TAFA5: variants seen among roughly 807,000 people sequenced by gnomAD.
TAFA5 encodes the protein chemokine-like protein TAFA-5.
A neutral mutation model predicts 15.3 loss-of-function variants in TAFA5; 6 were observed. The ratio of observed to expected loss-of-function variants is 0.39; its 90% confidence interval spans 0.21 to 0.77. The LOEUF (loss-of-function observed/expected upper bound fraction) is 0.77. TAFA5 is among the 30% of genes least tolerant of loss of function. The probability of loss-of-function intolerance (pLI) is 0.41; values close to 1 mark genes in which losing one functional copy is unlikely to be tolerated. For missense variants in TAFA5, 161 were observed against 193.1 expected (o/e 0.83, Z 0.98); for synonymous variants, 103 against 80.7 (o/e 1.28, Z -1.48).
At chr22:48,502,345 G>A (rs549252642) in intron 1 of TAFA5, among the ~76,000 whole-genome samples, 1 of 152,192 alleles carries the variant, frequency 6.6e-6, no homozygotes, top group East Asian at 1.9e-4. Flanking sequence ...TTTATTACCT[G>A]TTGAGGCACA....
At position 48,552,807 on chromosome 22, in the gene TAFA5, C is replaced by A. The variant is rs545150876; in HGVS notation, c.112+63103C>A. 5.9e-5 allele frequency among the ~76,000 whole-genome samples: 9 copies of A among 152,250 alleles called. No individual in the cohort carries two copies. The highest frequency in any genetic ancestry group is 2.2e-4 in the African/African-American group (9 of 41,544). On this transcript the variant is annotated intron_variant, in intron 1 of 3. Transcript: ENST00000402357. The surrounding 1 kb of genome is among the most constrained non-coding windows in gnomAD (Gnocchi z 4.1). ...GGAAGAGGAGGGGCAGCTGGGATTG[C>A]ACCTATATGGGGCTTCCAGGGCTCA...
intron 1 of TAFA5, among the ~76,000 whole-genome samples, chr22:48,516,725 A>G (rs2147104668): frequency 6.6e-6 from 1 of 152,138 alleles, no homozygotes; most frequent in East Asian, 1.9e-4. Context: ...TAGATGGAGG[A>G]GAAGCCACCG....
intron 1 of TAFA5, among the ~76,000 whole-genome samples, chr22:48,567,449 T>C (rs914905520): frequency 2.0e-5 from 3 of 152,184 alleles, no homozygotes; most frequent in Admixed American, 6.5e-5. Flanking sequence ...TGTGAGTTAA[T>C]GTGTGCAGAG....
intron 1 of TAFA5, among the ~76,000 whole-genome samples, chr22:48,641,800 A>G (rs1926690245): frequency 6.6e-6 from 1 of 152,116 alleles, no homozygotes; most frequent in Non-Finnish European, 1.5e-5. Flanking sequence ...CCACTCCCCA[A>G]GCACTCGGCC....
At chr22:48,718,203 C>A (rs979106033) in intron 3 of TAFA5, among the ~76,000 whole-genome samples, 1 of 152,182 alleles carries the variant, frequency 6.6e-6, no homozygotes, top group African/African-American at 2.4e-5. Context: ...CGTCCTCACC[C>A]GGCCTCTCCC....
In TAFA5 at chr22:48,698,508, T is replaced by C. The variant is rs73437808; in HGVS notation, c.263-9209T>C. On this transcript the variant is annotated intron_variant, in intron 2 of 3. Coordinates refer to ENST00000402357, the MANE Select transcript of TAFA5 (RefSeq NM_001082967.3). ...ATAGGGAGAGCTGACTGAGCTGAGC[T>C]GGGAGAGAGGAAGCTGAAGCACAGG... is the stretch of plus-strand genomic sequence containing the variant. Among the ~76,000 whole-genome samples, 685 of 151,462 alleles carry C rather than the reference T, an allele frequency of 4.5e-3. 1 individual carries two copies. Among genetic ancestry groups the C allele is most frequent in the African/African-American group, 0.016 (647 of 41,202 alleles).
rs532632755 is a variant in TAFA5 at position 48,528,687 on chromosome 22, T to C, written c.112+38983T>C. ...CAACAAAGACATAGTGTGAGTATGA[T>C]TGCAGGTCAGCACTGTGGAAAGAGC... On this transcript the variant is annotated intron_variant, in intron 1 of 3. Coordinates refer to ENST00000402357, the MANE Select transcript of TAFA5 (RefSeq NM_001082967.3). Among the ~76,000 whole-genome samples, 190 of 152,318 alleles carry C rather than the reference T, an allele frequency of 1.2e-3. 1 individual carries two copies. The highest frequency in any genetic ancestry group is 2.2e-3 in the Non-Finnish European group (149 of 68,024).
chr22:48,635,122 C>A lies in TAFA5; in HGVS notation c.113-11475C>A, dbSNP rs550633613. 1.5e-4 allele frequency among the ~76,000 whole-genome samples: 23 copies of A among 152,260 alleles called. No homozygotes were observed. In the South Asian group the frequency reaches 4.6e-3, roughly 30 times the overall value. Reference sequence around the variant, plus strand: ...ACGGAGAACGCAGAGCACAGCCGGCCTTGTTCCCGTTGTGGCCTGTTGCAT... The same window carrying A: ...ACGGAGAACGCAGAGCACAGCCGGCATTGTTCCCGTTGTGGCCTGTTGCAT... On this transcript the variant is annotated intron_variant, in intron 1 of 3. Transcript: ENST00000402357.
At chr22:48,693,259 C>A in intron 2 of TAFA5, 1 of 1,555,016 alleles carries the variant, frequency 6.4e-7, no homozygotes, top group East Asian at 2.4e-5. Flanking sequence ...CATGAAAATG[C>A]TCAGACCTTT....
intron 1 of TAFA5, among the ~76,000 whole-genome samples, chr22:48,578,893 G>A (rs1033891907): frequency 2.6e-5 from 4 of 152,224 alleles, no homozygotes; most frequent in Non-Finnish European, 5.9e-5. Flanking sequence ...CCTGGCTGAT[G>A]GGCTCGGCCT....
intron 1 of TAFA5, among the ~76,000 whole-genome samples, chr22:48,521,976 C>T (rs1409791041): frequency 6.6e-6 from 1 of 152,202 alleles, no homozygotes; most frequent in African/African-American, 2.4e-5. Context: ...GCCGAGCTCC[C>T]GGCCAGCCAG....
At chr22:48,734,375 A>G (rs1007580666) in intron 3 of TAFA5, among the ~76,000 whole-genome samples, 6 of 152,202 alleles carry the variant, frequency 3.9e-5, no homozygotes, top group African/African-American at 1.2e-4. Context: ...CCAGTTTCCC[A>G]TGGGTTTTCA....
At chr22:48,499,812 C>G (rs1009537437) in intron 1 of TAFA5, among the ~76,000 whole-genome samples, 1 of 152,198 alleles carries the variant, frequency 6.6e-6, no homozygotes, top group East Asian at 1.9e-4. Flanking sequence ...CCTTCCCTCC[C>G]GGGTCCCCTT....
chr22:48,501,771 G>A (rs1017169271), intron 1 of TAFA5, among the ~76,000 whole-genome samples: 3 of 152,324 alleles, frequency 2.0e-5, no homozygotes, highest in Non-Finnish European at 2.9e-5. Context: ...GAGCCAGGCC[G>A]CTGAGTGTGG....
chr22:48,743,104 G>A (rs1930228359), intron 3 of TAFA5, among the ~76,000 whole-genome samples: 1 of 152,192 alleles, frequency 6.6e-6, no homozygotes, highest in Non-Finnish European at 1.5e-5. Context: ...TTCAAACCAT[G>A]AAACCCGTTC....
chr22:48,689,725 A>C (rs1305848956), intron 2 of TAFA5, among the ~76,000 whole-genome samples: 1 of 152,028 alleles, frequency 6.6e-6, no homozygotes, highest in Non-Finnish European at 1.5e-5. Flanking sequence ...CTGTGCTTTC[A>C]TGGGGCTGGG....
intron 1 of TAFA5, chr22:48,543,194 T>G (rs1922524879): frequency 6.6e-6 from 1 of 152,060 alleles, no homozygotes; most frequent in Non-Finnish European, 1.5e-5. Flanking sequence ...CCAGCCCTGT[T>G]GAAAATGAGG....
Position 48,489,853 on chromosome 22 carries a change from C to A in TAFA5, c.112+149C>A. 2.3e-6 allele frequency: 1 copy of A among 438,218 alleles called. No homozygotes were observed. The highest frequency in any genetic ancestry group is 3.9e-6 in the Non-Finnish European group (1 of 256,630). The allele number at this position is 438,218 out of a possible 1,614,324, so 27.1% of individuals were successfully genotyped here. A position where few individuals can be genotyped will look rare whatever the true frequency, so the allele number is the denominator to read the frequency against. On this transcript the variant is annotated intron_variant, in intron 1 of 3. Transcript: ENST00000402357. The surrounding 1 kb of genome is among the most constrained non-coding windows in gnomAD (Gnocchi z 5.5). Reference sequence around the variant, plus strand: ...GTCCCCCGAGTCCCGGCCGGTCCAACGCTGCGCTGGGCGGGCGAGAGGGTC... The same window carrying A: ...GTCCCCCGAGTCCCGGCCGGTCCAAAGCTGCGCTGGGCGGGCGAGAGGGTC...
At chr22:48,503,546 T>C (rs1331153356) in intron 1 of TAFA5, among the ~76,000 whole-genome samples, 1 of 152,230 alleles carries the variant, frequency 6.6e-6, no homozygotes, top group East Asian at 1.9e-4. Flanking sequence ...AGCCAAAGGC[T>C]TCCCAGTCTG....
Sources: allele counts gnomAD v4.1 joint callset (sites outside exome capture counted in the v4.1 genomes callset), GRCh38; gene constraint gnomAD v4.1.1; non-coding constraint Gnocchi (gnomAD v3.1); transcripts MANE v1.5; gene names NCBI Gene and HGNC (gene_info 2026-07-23, HGNC 2026-07-21).